The following WWOX variants were observed in gnomAD, a reference collection of about 807,000 sequenced individuals.
WWOX encodes WW domain-containing oxidoreductase.
A neutral mutation model predicts 46.2 loss-of-function variants in WWOX; 69 were observed. The observed-to-expected ratio is 1.49, with a 90% CI of 1.23 to 1.82. The LOEUF (loss-of-function observed/expected upper bound fraction) is 1.82, where lower values mean the gene tolerates loss of function less well. WWOX is among the 40% of genes most tolerant of loss of function. The pLI is 0.00. For synonymous variants in WWOX, 359 were observed against 202.6 expected, an observed-to-expected ratio of 1.77 and a Z score of -6.56; for missense variants, 919 against 542.6, an observed-to-expected ratio of 1.69 and a Z score of -6.89.
intron 8 of WWOX, among the ~76,000 whole-genome samples, chr16:78,997,089 T>C (rs2047005116): frequency 6.6e-6 from 1 of 152,008 alleles, no homozygotes; most frequent in Non-Finnish European, 1.5e-5. Context: ...TACCATCTGC[T>C]TTTCCAATCT....
rs2081094371 is a variant in WWOX at position 78,346,374 on chromosome 16, T to C, written c.517-40486T>C. Among the ~76,000 whole-genome samples, 2 of 121,252 alleles carry C rather than the reference T, an allele frequency of 1.6e-5. 1 individual carries two copies. The highest frequency in any genetic ancestry group is 5.0e-4 in the South Asian group (2 of 4,002). 79.5% of individuals were successfully genotyped at this position (121,252 alleles called of 152,430 possible). A position where few individuals can be genotyped will look rare whatever the true frequency, so the allele number is the denominator to read the frequency against. Reference sequence around the variant, plus strand: ...CCGTGAATATTGATGCACTAGTCTTTGTGTGGACATATATCTGTTTTATCT... The same window carrying C: ...CCGTGAATATTGATGCACTAGTCTTCGTGTGGACATATATCTGTTTTATCT... On this transcript the variant is annotated intron_variant, in intron 5 of 8. Coordinates refer to ENST00000566780, the MANE Select transcript of WWOX (RefSeq NM_016373.4).
At chr16:78,584,701 C>T (rs2045150622) in intron 8 of WWOX, among the ~76,000 whole-genome samples, 2 of 152,160 alleles carry the variant, frequency 1.3e-5, no homozygotes, top group Admixed American at 6.5e-5. Flanking sequence ...TGAGAGAAGT[C>T]AGAATAGCAG....
At chr16:78,732,204 G>T (rs1054499577) in intron 8 of WWOX, among the ~76,000 whole-genome samples, 5 of 152,006 alleles carry the variant, frequency 3.3e-5, no homozygotes, top group Admixed American at 3.3e-4. Flanking sequence ...TTATTACTAT[G>T]TAGAATATGG....
chr16:79,031,394 C>G (rs74871679), intron 8 of WWOX, among the ~76,000 whole-genome samples: 2 of 151,840 alleles, frequency 1.3e-5, no homozygotes, highest in African/African-American at 4.8e-5. Context: ...AGGATTATCT[C>G]GAGTTGGTTT....
At chr16:78,849,667 A>G (rs1254354550) in intron 8 of WWOX, among the ~76,000 whole-genome samples, 2 of 152,082 alleles carry the variant, frequency 1.3e-5, no homozygotes, top group Non-Finnish European at 2.9e-5. Context: ...TTTGAGGACA[A>G]AACACAGTAT....
chr16:79,169,768 T>G (rs1030962405), intron 8 of WWOX, among the ~76,000 whole-genome samples: 1 of 152,218 alleles, frequency 6.6e-6, no homozygotes, highest in Non-Finnish European at 1.5e-5. Context: ...AGCCTCCTTT[T>G]GTCACTCTAG....
chr16:78,848,868 G>A (rs189921329), intron 8 of WWOX, among the ~76,000 whole-genome samples: 50 of 151,466 alleles, frequency 3.3e-4, no homozygotes, highest in African/African-American at 1.1e-3. Context: ...TTAATGACCC[G>A]AAAAATCTAT....
intron 5 of WWOX, among the ~76,000 whole-genome samples, chr16:78,217,868 G>A (rs887798253): frequency 6.6e-6 from 1 of 152,134 alleles, no homozygotes; most frequent in African/African-American, 2.4e-5. Context: ...GTGGAGTGAA[G>A]TCAAATGACC....
At chr16:78,514,643 A>G (rs1275552320) in intron 8 of WWOX, among the ~76,000 whole-genome samples, 1 of 152,232 alleles carries the variant, frequency 6.6e-6, no homozygotes, top group Non-Finnish European at 1.5e-5. Context: ...TTCTTGATGC[A>G]TTTAAAAAAT....
At chr16:78,760,711 G>A (rs564712608) in intron 8 of WWOX, among the ~76,000 whole-genome samples, 2 of 152,290 alleles carry the variant, frequency 1.3e-5, no homozygotes, top group South Asian at 2.1e-4. Context: ...AAGCTGCTGT[G>A]GGACATGAGA....
chr16:78,500,588 C>G (rs1338262073), intron 8 of WWOX, among the ~76,000 whole-genome samples: 5 of 152,108 alleles, frequency 3.3e-5, no homozygotes, highest in Non-Finnish European at 5.9e-5. Flanking sequence ...CAGCATTTTC[C>G]TATGACTGAG....
chr16:78,586,423 C>T (rs1428089015), intron 8 of WWOX, among the ~76,000 whole-genome samples: 1 of 152,084 alleles, frequency 6.6e-6, no homozygotes, highest in African/African-American at 2.4e-5. Context: ...CAGATTTCTT[C>T]TCCTTTAGTT....
chr16:79,002,826 A>G (rs1018905143), intron 8 of WWOX, among the ~76,000 whole-genome samples: 4 of 152,292 alleles, frequency 2.6e-5, no homozygotes, highest in Middle Eastern at 3.4e-3. Context: ...GCTCATAATC[A>G]CTAAGTTATA....
intron 8 of WWOX, among the ~76,000 whole-genome samples, chr16:78,509,454 A>G (rs1009402876): frequency 6.6e-6 from 1 of 151,412 alleles, no homozygotes; most frequent in Admixed American, 6.6e-5. Flanking sequence ...AAAAAAAATA[A>G]TATAATAATA....
intron 8 of WWOX, among the ~76,000 whole-genome samples, chr16:78,916,012 C>G (rs1381637155): frequency 1.3e-5 from 2 of 152,118 alleles, no homozygotes; most frequent in African/African-American, 2.4e-5. Context: ...GTTTTGAACT[C>G]TAATTAGGGA....
At chr16:78,577,158 C>T (rs2044903328) in intron 8 of WWOX, among the ~76,000 whole-genome samples, 1 of 152,170 alleles carries the variant, frequency 6.6e-6, no homozygotes, top group Admixed American at 6.5e-5. Context: ...AAACTTAACA[C>T]ATCCCATCAC....
At chr16:78,865,221 A>G (rs368600322) in intron 8 of WWOX, among the ~76,000 whole-genome samples, 25 of 152,258 alleles carry the variant, frequency 1.6e-4, no homozygotes, top group African/African-American at 5.5e-4. Context: ...TTAGGATGCG[A>G]TCAGTTTTTT....
intron 8 of WWOX, among the ~76,000 whole-genome samples, chr16:78,484,996 C>T (rs376311222): frequency 1.1e-3 from 160 of 152,194 alleles, no homozygotes; most frequent in African/African-American, 3.8e-3. Context: ...GATGAGCTGA[C>T]TAACACCTTA....
intron 6 of WWOX, among the ~76,000 whole-genome samples, chr16:78,390,248 C>G (rs960396927): frequency 2.6e-5 from 4 of 152,224 alleles, no homozygotes; most frequent in African/African-American, 4.8e-5. Flanking sequence ...AAGTGAGCAG[C>G]TTTGCTGAAG....
Sources: allele counts gnomAD v4.1 joint callset (sites outside exome capture counted in the v4.1 genomes callset), GRCh38; gene constraint gnomAD v4.1.1; transcripts MANE v1.5; gene names NCBI Gene and HGNC (gene_info 2026-07-23, HGNC 2026-07-21).